Variants in MVB12A observed in about 807,000 individuals in gnomAD.
The protein encoded by MVB12A is multivesicular body subunit 12A.
In MVB12A, 30 loss-of-function variants were observed where a neutral mutation model predicts 34.3. The ratio of observed to expected loss-of-function variants is 0.88; its 90% CI spans 0.65 to 1.19. MVB12A has a LOEUF of 1.19. Among genes scored for constraint, MVB12A ranks in the 50% most tolerant of loss-of-function variants. The pLI is 0.00. For missense variants in MVB12A, 355 were observed against 369.2 expected (o/e 0.96, Z 0.31); for synonymous variants, 158 against 158.9 (o/e 0.99, Z 0.04).
chr19:17,420,588 C>G lies in MVB12A; in HGVS notation c.240C>G (p.Ser80Arg). ...VADIQIVVDK[S>R]PLPLGFSPVC... Reference sequence around the variant, plus strand: ...ATATCCAGATCGTGGTGGACAAGAGCCCCCTGCCGCTGGGCTTCTCCCCCG... The same window carrying G: ...ATATCCAGATCGTGGTGGACAAGAGGCCCCTGCCGCTGGGCTTCTCCCCCG... The change falls in exon 3 of 9, where the codon AGC becomes AGG. Residue 80 changes from serine to arginine, a missense_variant. Transcript: ENST00000317040. 2 of 1,613,832 alleles carry G rather than the reference C, an allele frequency of 1.2e-6. No homozygotes were observed. The highest frequency in any genetic ancestry group is 1.7e-6 in the Non-Finnish European group (2 of 1,179,768).
chr19:17,415,289 A>G (rs1386998928), upstream of MVB12A: 1 of 148,342 alleles, frequency 6.7e-6, no homozygotes, highest in East Asian at 2.0e-4. Flanking sequence ...ATTAAGGGCT[A>G]CTTACCCAAC....
intron 2 of MVB12A, among the ~76,000 whole-genome samples, chr19:17,408,336 T>C (rs1385532505): frequency 6.6e-6 from 1 of 151,588 alleles, no homozygotes; most frequent in Non-Finnish European, 1.5e-5. Flanking sequence ...AGGCCAGTAG[T>C]TCGAGACCAG....
rs150567753 is a variant in MVB12A, at chr19:17,423,699, C to T, written c.540C>T (p.Gly180=). 3.5e-5 allele frequency: 57 copies of T among 1,613,638 alleles called. No individual in the cohort carries two copies. The highest frequency in any genetic ancestry group is 3.3e-4 in the Middle Eastern group (2 of 6,082). Residue 180 remains glycine, a synonymous_variant, in exon 6 of 9, where the codon GGC becomes GGT. Transcript: ENST00000317040. ...SLDAASQPSK[G]GLLERTASRL... ...TGAGTCATCCCACCTCCAGTAAGGG[C>T]GGCCTCCTGGAGCGGACAGCGTCAA...
chr19:17,422,843 G>C, intron 4 of MVB12A: 1 of 153,408 alleles, frequency 6.5e-6, no homozygotes. Context: ...CCAGCTACTT[G>C]GGAGGCTGAG....
At chr19:17,410,544 A>G (rs1329991377) in intron 2 of MVB12A, among the ~76,000 whole-genome samples, 1 of 134,140 alleles carries the variant, frequency 7.5e-6, no homozygotes, top group Non-Finnish European at 1.5e-5. Flanking sequence ...ACACACATAT[A>G]TATATACACA....
At chr19:17,419,970 A>G (rs1599605909), upstream of MVB12A, 1 of 411,858 alleles carries the variant, frequency 2.4e-6, no homozygotes, top group East Asian at 3.7e-5. Context: ...GCCATTGGCC[A>G]GCAGCTCCTC....
chr19:17,412,498 T>C (rs2074775573), intron 2 of MVB12A, among the ~76,000 whole-genome samples: 1 of 151,958 alleles, frequency 6.6e-6, no homozygotes, highest in South Asian at 2.1e-4. Context: ...AACTCCTGGC[T>C]TCAAGTGTTC....
intron 1 of MVB12A, chr19:17,405,881 G>A (rs570585121): frequency 1.0e-5 from 3 of 289,770 alleles, no homozygotes; most frequent in East Asian, 7.7e-5. Flanking sequence ...TGCCTCTGCT[G>A]TGTGTTACTG....
intron 2 of MVB12A, among the ~76,000 whole-genome samples, chr19:17,410,529 T>TATATATATATATATACACAC: frequency 4.0e-5 from 3 of 74,478 alleles, no homozygotes; most frequent in African/African-American, 6.6e-5. Flanking sequence ...TATATATATA[T>TATATATATATATATACACAC]ACACACACAC....
intron 1 of MVB12A, chr19:17,405,864 G>A (rs1057027803): frequency 8.9e-6 from 3 of 338,820 alleles, no homozygotes; most frequent in South Asian, 3.4e-5. Context: ...TCCATCTTAA[G>A]TCCCTGTGCC....
intron 4 of MVB12A, 138 bp from the exon 5 acceptor site, chr19:17,423,360 C>CCA: frequency 2.2e-6 from 2 of 890,278 alleles, no homozygotes; most frequent in Non-Finnish European, 3.1e-6. Flanking sequence ...ACTCCGTCCC[C>CCA]AAAAAAAAAA....
chr19:17,420,094 G>A lies in MVB12A; in HGVS notation c.-42G>A, dbSNP rs2074827471. On this transcript the variant is annotated 5_prime_UTR_variant, in exon 1 of 9. Coordinates refer to ENST00000317040, the MANE Select transcript of MVB12A (RefSeq NM_138401.4). ...CGTCGGGAGGCGCTCCGAGGTTCGA[G>A]GCTGTGCCCCGCGACCCCGCCTTCG... The A allele has an allele frequency of 7.6e-7, 1 of 1,314,002 alleles. No homozygotes were observed. The highest frequency in any genetic ancestry group is 9.7e-7 in the Non-Finnish European group (1 of 1,033,000). 81.4% of individuals were successfully genotyped at this position (1,314,002 alleles called of 1,614,324 possible). A position where few individuals can be genotyped will look rare whatever the true frequency, so the allele number is the denominator to read the frequency against.
chr19:17,408,527 A>C (rs756851430), intron 2 of MVB12A, among the ~76,000 whole-genome samples: 251 of 149,718 alleles, frequency 1.7e-3, no homozygotes, highest in Non-Finnish European at 2.8e-3. Context: ...GCTCACTGCA[A>C]CCTCTGCCTC....
Position 17,425,247 on chromosome 19 carries a change from C to T in MVB12A, c.*254C>T, listed in dbSNP as rs1285132608. 9 of 491,434 alleles carry T rather than the reference C, an allele frequency of 1.8e-5. No homozygotes were observed. The highest frequency in any genetic ancestry group is 7.7e-5 in the Admixed American group (2 of 26,006). The allele number at this position is 491,434 out of a possible 1,614,324, so 30.4% of individuals were successfully genotyped here. A position where few individuals can be genotyped will look rare whatever the true frequency, so the allele number is the denominator to read the frequency against. On this transcript the variant is annotated 3_prime_UTR_variant, in exon 9 of 9. Transcript: ENST00000317040. ...GGCTGGAGCTGGACAGAAGCCAGTGCCTTTAAGTCATTTGTGTCAAAACCC... is the reference window on the plus strand; with the variant it reads ...GGCTGGAGCTGGACAGAAGCCAGTGTCTTTAAGTCATTTGTGTCAAAACCC...
At chr19:17,418,471 C>T (rs148342801), upstream of MVB12A, among the ~76,000 whole-genome samples, 997 of 151,146 alleles carry the variant, frequency 6.6e-3, 11 homozygotes, top group African/African-American at 0.023. Flanking sequence ...CAGCTCATTG[C>T]AACCTCCACC....
intron 2 of MVB12A, among the ~76,000 whole-genome samples, chr19:17,410,727 G>A (rs1383218910): frequency 5.5e-5 from 8 of 146,124 alleles, no homozygotes; most frequent in East Asian, 2.1e-4. Context: ...TCAGGAGTTC[G>A]AGACCAGCCT....
intron 2 of MVB12A, among the ~76,000 whole-genome samples, chr19:17,410,870 G>A (rs1472202526): frequency 2.1e-5 from 3 of 139,908 alleles, no homozygotes; most frequent in African/African-American, 5.2e-5. Context: ...AGAGGTTGCA[G>A]TGCAGTGAGA....
At chr19:17,420,888 CTGT>C in intron 3 of MVB12A, 1 of 674,474 alleles carries the variant, frequency 1.5e-6, no homozygotes, top group East Asian at 2.8e-5. Flanking sequence ...TGTTTCACTA[CTGT>C]TGTGCTACTT....
chr19:17,410,496 T>TCA (rs2074757834), intron 2 of MVB12A, among the ~76,000 whole-genome samples: 1 of 31,514 alleles, frequency 3.2e-5, no homozygotes, highest in East Asian at 5.8e-4. Flanking sequence ...GGTTTTAGCT[T>TCA]CATATATATA....
Sources: allele counts gnomAD v4.1 joint callset (sites outside exome capture counted in the v4.1 genomes callset), GRCh38; gene constraint gnomAD v4.1.1; transcripts MANE v1.5; gene names NCBI Gene and HGNC (gene_info 2026-07-23, HGNC 2026-07-21).